Variants in CNOT2 observed in about 807,000 individuals in gnomAD.
CNOT2 encodes the protein CC chemokine receptor 4-negative regulator of transcription 2.
A neutral mutation model predicts 72.1 loss-of-function variants in CNOT2; 7 were observed. That is an observed-to-expected ratio of 0.10 (90% CI 0.06 to 0.18). CNOT2 has a LOEUF of 0.18. Ranked by LOEUF, CNOT2 falls within the 10% of genes least tolerant of loss-of-function variation. The pLI is 1.00. For missense variants in CNOT2, 345 were observed against 660.3 expected (o/e 0.52, Z 5.23); for synonymous variants, 196 against 225.6 (o/e 0.87, Z 1.17).
intron 1 of CNOT2, among the ~76,000 whole-genome samples, chr12:70,265,536 CT>C (rs1299503363): frequency 2.6e-5 from 4 of 151,630 alleles, no homozygotes; most frequent in African/African-American, 9.7e-5. Context: ...TGACTTTTTT[CT>C]TTGTCAGTCT....
chr12:70,243,316 T>C (rs1376529138), upstream of CNOT2: 1 of 152,602 alleles, frequency 6.6e-6, no homozygotes, highest in Admixed American at 6.5e-5. Flanking sequence ...ACCCACCCCA[T>C]CGCTGCCGTT....
chr12:70,264,891 C>T (rs1359936324), intron 1 of CNOT2, among the ~76,000 whole-genome samples: 1 of 152,132 alleles, frequency 6.6e-6, no homozygotes. Context: ...CTCCCCAGAG[C>T]ACTGAGTTTT....
At chr12:70,349,031 C>T (rs571231511) in intron 15 of CNOT2, among the ~76,000 whole-genome samples, 28 of 152,122 alleles carry the variant, frequency 1.8e-4, no homozygotes, top group South Asian at 6.2e-4. Context: ...TGCACTGACA[C>T]GCTTTAAAAT....
chr12:70,354,128 C>CT lies in CNOT2; in HGVS notation c.*214dup. Reference sequence around the variant, plus strand: ...ACAACTAAATTTGTAATTTGTTTTTCTCTAGTTTGAGCAGGGTCTGAATTT... The same window carrying CT: ...ACAACTAAATTTGTAATTTGTTTTTCTTCTAGTTTGAGCAGGGTCTGAATTT... On this transcript the variant is annotated 3_prime_UTR_variant, in exon 16 of 16. Transcript: ENST00000229195. 1 of 952,320 alleles carries CT rather than the reference C, an allele frequency of 1.1e-6. No individual in the cohort carries two copies. Among genetic ancestry groups the CT allele is most frequent in the Non-Finnish European group, 1.4e-6 (1 of 709,816 alleles). The allele number at this position is 952,320 out of a possible 1,614,324, so 59.0% of individuals were successfully genotyped here.
chr12:70,354,009 AG>A lies in CNOT2; in HGVS notation c.*96del. The A allele has an allele frequency of 6.7e-7, 1 of 1,485,406 alleles. No individual in the cohort carries two copies. The highest frequency in any genetic ancestry group is 2.4e-5 in the East Asian group (1 of 40,830). The allele number at this position is 1,485,406 out of a possible 1,614,324, so 92.0% of individuals were successfully genotyped here. On this transcript the variant is annotated 3_prime_UTR_variant, in exon 16 of 16. Transcript: ENST00000229195. ...CATAACTGCAGAACTGATGTGGCTC[AG>A]GCACCCTGGTTTTAATTCCTTGAGG...
chr12:70,268,957 A>G (rs895540393), intron 1 of CNOT2, among the ~76,000 whole-genome samples: 1 of 152,222 alleles, frequency 6.6e-6, no homozygotes, highest in African/African-American at 2.4e-5. Flanking sequence ...CTTATGCTGC[A>G]ACATATATTT....
chr12:70,258,231 C>G (rs191757395), intron 1 of CNOT2, among the ~76,000 whole-genome samples: 1 of 152,102 alleles, frequency 6.6e-6, no homozygotes, highest in Non-Finnish European at 1.5e-5. Flanking sequence ...TAGCATCACA[C>G]AATTATGAGA....
At chr12:70,305,606 T>G (rs566779400) in intron 2 of CNOT2, among the ~76,000 whole-genome samples, 1 of 152,344 alleles carries the variant, frequency 6.6e-6, no homozygotes, top group East Asian at 1.9e-4. Context: ...AGAGTTAAAG[T>G]GACATTTTTC....
chr12:70,264,960 CAATT>C (rs747536623), intron 1 of CNOT2, among the ~76,000 whole-genome samples: 35 of 152,108 alleles, frequency 2.3e-4, no homozygotes, highest in Non-Finnish European at 4.6e-4. Context: ...TGAATTTTGA[CAATT>C]AAGTCAGTCT....
At chr12:70,310,746 G>T in intron 2 of CNOT2, 149 bp from the exon 3 acceptor site, 1 of 561,504 alleles carries the variant, frequency 1.8e-6, no homozygotes. Context: ...TCAGATTTAT[G>T]ACTTTATCAC....
chr12:70,329,171 A>G (rs1184126108), intron 4 of CNOT2, among the ~76,000 whole-genome samples: 1 of 151,998 alleles, frequency 6.6e-6, no homozygotes, highest in African/African-American at 2.4e-5. Flanking sequence ...AGTCATTTAC[A>G]TACTTCATAA....
At chr12:70,298,512 G>A (rs1035451976) in intron 2 of CNOT2, among the ~76,000 whole-genome samples, 2 of 152,172 alleles carry the variant, frequency 1.3e-5, no homozygotes, top group African/African-American at 4.8e-5. Context: ...AATAGGGATA[G>A]TTAATTGTTC....
intron 14 of CNOT2, chr12:70,344,538 AC>A (rs1481826444): frequency 4.3e-6 from 1 of 234,582 alleles, no homozygotes; most frequent in African/African-American, 2.3e-5. Context: ...CCTGGGCAAC[AC>A]AGCAAACCAC....
intron 1 of CNOT2, among the ~76,000 whole-genome samples, chr12:70,254,980 CAAAA>C (rs34311334): frequency 2.1e-4 from 23 of 110,814 alleles, no homozygotes; most frequent in South Asian, 5.7e-4. Flanking sequence ...GACTGCATCT[CAAAA>C]AAAAAAAAAA....
At chr12:70,296,961 CTG>C (rs1175256178) in intron 2 of CNOT2, among the ~76,000 whole-genome samples, 9 of 152,050 alleles carry the variant, frequency 5.9e-5, no homozygotes, top group African/African-American at 1.2e-4. Flanking sequence ...TTTGGGCAGT[CTG>C]TGAGATTTTT....
At chr12:70,342,052 AATTAGAAATCT>A (rs1402429192) in intron 11 of CNOT2, 44 bp from the exon 12 acceptor site, 1 of 1,083,048 alleles carries the variant, frequency 9.2e-7, no homozygotes, top group African/African-American at 1.6e-5. Context: ...CCTGAAATAA[AATTAGAAATCT>A]CTTTTTCTGG....
At chr12:70,252,793 A>G (rs1958211990) in intron 1 of CNOT2, among the ~76,000 whole-genome samples, 1 of 152,202 alleles carries the variant, frequency 6.6e-6, no homozygotes, top group South Asian at 2.1e-4. Flanking sequence ...AACAAAGAAA[A>G]ATGTAGATAA....
intron 3 of CNOT2, among the ~76,000 whole-genome samples, chr12:70,316,490 G>T (rs952139057): frequency 6.6e-6 from 1 of 152,102 alleles, no homozygotes; most frequent in African/African-American, 2.4e-5. Context: ...CTTAGGGATA[G>T]ACTTTATAAG....
intron 4 of CNOT2, among the ~76,000 whole-genome samples, chr12:70,324,929 A>G (rs1301931650): frequency 6.6e-6 from 1 of 151,798 alleles, no homozygotes; most frequent in African/African-American, 2.4e-5. Context: ...TTTAATTCAT[A>G]TACTATCTTC....
Sources: allele counts gnomAD v4.1 joint callset (sites outside exome capture counted in the v4.1 genomes callset), GRCh38; gene constraint gnomAD v4.1.1; transcripts MANE v1.5; gene names NCBI Gene and HGNC (gene_info 2026-07-23, HGNC 2026-07-21).